The following INTS7 variants were observed in gnomAD, a reference collection of about 807,000 sequenced individuals.
INTS7 encodes the protein integrator complex subunit 7.
Under a neutral mutation model 109.2 loss-of-function variants are expected in INTS7, and 46 were observed. The observed-to-expected ratio is 0.42, with a 90% CI of 0.33 to 0.54. The LOEUF (loss-of-function observed/expected upper bound fraction) is 0.54, where lower values mean the gene tolerates loss of function less well. INTS7 is among the 20% of genes least tolerant of loss of function. The pLI is 0.07. For missense variants in INTS7, 929 were observed against 1,132.4 expected (o/e 0.82, Z 2.58); for synonymous variants, 412 against 402.9 (o/e 1.02, Z -0.27).
intron 12 of INTS7, among the ~76,000 whole-genome samples, 196 bp from the exon 13 acceptor site, chr1:211,975,568 T>G: frequency 6.6e-6 from 1 of 152,356 alleles, no homozygotes; most frequent in South Asian, 2.1e-4. Context: ...GTTGCTTTTA[T>G]GTAACATAAT....
intron 7 of INTS7, among the ~76,000 whole-genome samples, chr1:211,988,434 A>AT (rs1558041125): frequency 6.6e-6 from 1 of 151,858 alleles, no homozygotes; most frequent in Non-Finnish European, 1.5e-5. Flanking sequence ...AAAAAAAAAA[A>AT]CAAAAAAAGC....
intron 8 of INTS7, among the ~76,000 whole-genome samples, chr1:211,983,456 A>C (rs1007796025): frequency 6.6e-6 from 1 of 152,212 alleles, no homozygotes; most frequent in Non-Finnish European, 1.5e-5. Flanking sequence ...TATAGATTGC[A>C]GCAATTTTTA....
chr1:211,974,764 C>T (rs75610729), intron 13 of INTS7, among the ~76,000 whole-genome samples: 5,614 of 152,080 alleles, frequency 0.037, 158 homozygotes, highest in African/African-American at 0.083. Context: ...CTAGAATCTT[C>T]GATAATTTCT....
chr1:211,960,672 A>G (rs1246544919), intron 16 of INTS7, among the ~76,000 whole-genome samples: 1 of 152,218 alleles, frequency 6.6e-6, no homozygotes, highest in Non-Finnish European at 1.5e-5. Flanking sequence ...AATCCTTAAA[A>G]TTAATTGCAA....
chr1:211,968,774 A>C (rs1664025952), intron 13 of INTS7, 67 bp from the exon 14 acceptor site: 1 of 1,271,958 alleles, frequency 7.9e-7, no homozygotes, highest in African/African-American at 1.5e-5. Context: ...GGGCAGTACC[A>C]AGTATTTATC....
At chr1:211,977,854 T>C (rs902366243) in intron 11 of INTS7, among the ~76,000 whole-genome samples, 1 of 152,200 alleles carries the variant, frequency 6.6e-6, no homozygotes, top group Non-Finnish European at 1.5e-5. Context: ...GGCTAATTTA[T>C]GGTCATTATT....
chr1:212,010,001 C>T (rs1035927034), intron 5 of INTS7, among the ~76,000 whole-genome samples: 3 of 152,206 alleles, frequency 2.0e-5, no homozygotes, highest in African/African-American at 7.2e-5. Flanking sequence ...AATATAACTA[C>T]ACTAAGCAAT....
At chr1:212,000,403 A>G (rs1665612290) in intron 7 of INTS7, among the ~76,000 whole-genome samples, 1 of 152,224 alleles carries the variant, frequency 6.6e-6, no homozygotes, top group East Asian at 1.9e-4. Flanking sequence ...TTGTATCTTC[A>G]GAAACAGAAA....
intron 17 of INTS7, among the ~76,000 whole-genome samples, chr1:211,948,348 A>G (rs1662930936): frequency 6.6e-6 from 1 of 152,264 alleles, no homozygotes; most frequent in Non-Finnish European, 1.5e-5. Context: ...CTGTTAAAAT[A>G]GCATTAATCA....
At chr1:212,026,922 A>G (rs1176784805) in intron 1 of INTS7, among the ~76,000 whole-genome samples, 2 of 152,228 alleles carry the variant, frequency 1.3e-5, no homozygotes, top group African/African-American at 4.8e-5. Context: ...GACCATATTG[A>G]TTTGTTTAAA....
At chr1:211,982,874 T>C (rs1476661468) in intron 8 of INTS7, 64 bp from the exon 9 acceptor site, 18 of 1,306,862 alleles carry the variant, frequency 1.4e-5, no homozygotes, top group African/African-American at 3.0e-5. Flanking sequence ...GTTCAGCTCA[T>C]AGGTTCAATT....
At chr1:211,978,203 T>C in intron 11 of INTS7, 69 bp downstream of exon 11, 1 of 1,562,344 alleles carries the variant, frequency 6.4e-7, no homozygotes, top group Non-Finnish European at 8.8e-7. Flanking sequence ...ATAGTAATGT[T>C]GACTTAAAAG....
At chr1:211,974,490 T>C (rs528886879) in intron 13 of INTS7, among the ~76,000 whole-genome samples, 57 of 151,826 alleles carry the variant, frequency 3.8e-4, no homozygotes, top group African/African-American at 1.3e-3. Flanking sequence ...ATATACAATT[T>C]TTAAAGTCAT....
chr1:212,002,733 ATCT>A (rs1359716152), intron 7 of INTS7, among the ~76,000 whole-genome samples: 3 of 152,142 alleles, frequency 2.0e-5, no homozygotes, highest in Admixed American at 6.6e-5. Context: ...ATATTCACTA[ATCT>A]TCTTCCTGAC....
At chr1:212,002,133 G>A (rs1665699775) in intron 7 of INTS7, among the ~76,000 whole-genome samples, 1 of 152,140 alleles carries the variant, frequency 6.6e-6, no homozygotes. Flanking sequence ...ATTTGTTGAT[G>A]GTAAAAAGCT....
In INTS7 at chr1:211,959,551, C is replaced by T. The variant is rs545741653; in HGVS notation, c.2184-6850G>A. 1.4e-4 allele frequency among the ~76,000 whole-genome samples: 21 copies of T among 152,286 alleles called. No individual in the cohort carries two copies. Among genetic ancestry groups the T allele is most frequent in the African/African-American group, 5.1e-4 (21 of 41,550 alleles). On this transcript the variant is annotated intron_variant, in intron 16 of 19. Coordinates refer to ENST00000366994, the MANE Select transcript of INTS7 (RefSeq NM_015434.4). The surrounding 1 kb of genome is among the most constrained non-coding windows in gnomAD (Gnocchi z 4.2). Reference sequence around the variant, plus strand: ...ATGGCCACCCTCGACATTGCTTTGCCTGCGTGTGCATGGGCAGATCTTGCC... The same window carrying T: ...ATGGCCACCCTCGACATTGCTTTGCTTGCGTGTGCATGGGCAGATCTTGCC...
intron 5 of INTS7, among the ~76,000 whole-genome samples, chr1:212,010,181 T>C (rs1666106164): frequency 6.6e-6 from 1 of 152,228 alleles, no homozygotes; most frequent in South Asian, 2.1e-4. Flanking sequence ...GGCTGCCACA[T>C]TGCACAATTC....
At chr1:211,947,303 A>G (rs1380922045) in intron 17 of INTS7, among the ~76,000 whole-genome samples, 1 of 152,234 alleles carries the variant, frequency 6.6e-6, no homozygotes, top group Admixed American at 6.5e-5. Context: ...AAATCCCAGC[A>G]TGACTGCAGA....
At chr1:211,952,476 G>A (rs1262958582) in intron 17 of INTS7, 93 bp downstream of exon 17, 3 of 1,288,292 alleles carry the variant, frequency 2.3e-6, no homozygotes, top group Non-Finnish European at 3.3e-6. Flanking sequence ...GGCACAGAAA[G>A]GTTAATTTGT....
Sources: allele counts gnomAD v4.1 joint callset (sites outside exome capture counted in the v4.1 genomes callset), GRCh38; gene constraint gnomAD v4.1.1; non-coding constraint Gnocchi (gnomAD v3.1); transcripts MANE v1.5; gene names NCBI Gene and HGNC (gene_info 2026-07-23, HGNC 2026-07-21).